The following GTF2F2 variants were observed in gnomAD, a reference collection of about 807,000 sequenced individuals.
The protein encoded by GTF2F2 is general transcription factor IIF subunit 2.
A neutral mutation model predicts 42.2 loss-of-function variants in GTF2F2; 23 were observed. That is an observed-to-expected ratio of 0.55 (90% CI 0.39 to 0.77). The LOEUF (loss-of-function observed/expected upper bound fraction) is 0.77. GTF2F2 is among the 30% of genes least tolerant of loss of function. GTF2F2 has a pLI of 0.00. For synonymous variants in GTF2F2, 105 were observed against 100.8 expected, an observed-to-expected ratio of 1.04 and a Z score of -0.25; for missense variants, 261 against 287.2, an observed-to-expected ratio of 0.91 and a Z score of 0.66.
intron 5 of GTF2F2, among the ~76,000 whole-genome samples, chr13:45,218,237 TA>T (rs1001856700): frequency 6.6e-6 from 1 of 152,200 alleles, no homozygotes; most frequent in Admixed American, 6.5e-5. Flanking sequence ...TCTGAGGATT[TA>T]AAATGGGTGC....
At chr13:45,263,857 A>G (rs1488762695) in intron 6 of GTF2F2, 2 of 187,694 alleles carry the variant, frequency 1.1e-5, no homozygotes, top group East Asian at 1.3e-4. Flanking sequence ...TTCAGAAATT[A>G]GGATTCCATG....
chr13:45,164,666 G>GT (rs147157628), intron 4 of GTF2F2, among the ~76,000 whole-genome samples: 26,488 of 152,100 alleles, frequency 0.17, 2,619 homozygotes, highest in Non-Finnish European at 0.22. Flanking sequence ...TGAGGCTACA[G>GT]TGAGTACAGT....
At chr13:45,124,908 G>C (rs1173796834) in intron 1 of GTF2F2, among the ~76,000 whole-genome samples, 1 of 152,120 alleles carries the variant, frequency 6.6e-6, no homozygotes, top group East Asian at 1.9e-4. Flanking sequence ...TTGAACTCCT[G>C]ATTTCAAGTG....
chr13:45,121,062 T>C (rs1375574785), intron 1 of GTF2F2, among the ~76,000 whole-genome samples: 1 of 152,186 alleles, frequency 6.6e-6, no homozygotes, highest in Non-Finnish European at 1.5e-5. Flanking sequence ...GTGAAACTGG[T>C]TTTAGCCATG....
At chr13:45,271,097 C>T (rs1340926958) in intron 7 of GTF2F2, among the ~76,000 whole-genome samples, 2 of 151,970 alleles carry the variant, frequency 1.3e-5, no homozygotes, top group Admixed American at 6.6e-5. Context: ...TCGAGACTAT[C>T]CTGGCTAACA....
At chr13:45,143,154 A>G (rs1870015333) in intron 2 of GTF2F2, among the ~76,000 whole-genome samples, 1 of 152,236 alleles carries the variant, frequency 6.6e-6, no homozygotes, top group Non-Finnish European at 1.5e-5. Flanking sequence ...TGTTAAGAGA[A>G]GATGTAGGGC....
intron 4 of GTF2F2, among the ~76,000 whole-genome samples, chr13:45,181,585 G>A (rs1872169821): frequency 6.6e-6 from 1 of 152,084 alleles, no homozygotes; most frequent in Admixed American, 6.5e-5. Context: ...AAAACAATTA[G>A]TATGTATTTA....
intron 4 of GTF2F2, among the ~76,000 whole-genome samples, chr13:45,176,927 A>G (rs1871908384): frequency 6.6e-6 from 1 of 152,022 alleles, no homozygotes; most frequent in Non-Finnish European, 1.5e-5. Context: ...CCGGGATTAT[A>G]GGTGCCCGCC....
chr13:45,171,864 A>AC (rs987261874), intron 4 of GTF2F2, among the ~76,000 whole-genome samples: 1 of 143,432 alleles, frequency 7.0e-6, no homozygotes, highest in Non-Finnish European at 1.5e-5. Flanking sequence ...GTCTTTTGTG[A>AC]CCTTTTTTTT....
At chr13:45,211,639 G>A (rs962858380) in intron 5 of GTF2F2, among the ~76,000 whole-genome samples, 13 of 150,050 alleles carry the variant, frequency 8.7e-5, no homozygotes, top group Non-Finnish European at 1.9e-4. Context: ...CCAGGCTAGA[G>A]TGCAATGGTG....
chr13:45,221,576 T>G (rs1017792618), intron 5 of GTF2F2, among the ~76,000 whole-genome samples: 1 of 151,460 alleles, frequency 6.6e-6, no homozygotes, highest in East Asian at 2.0e-4. Context: ...GGGGTCCCAG[T>G]ATGACTGCAC....
intron 2 of GTF2F2, among the ~76,000 whole-genome samples, chr13:45,137,817 G>A (rs1869706661): frequency 1.3e-5 from 2 of 150,274 alleles, no homozygotes; most frequent in South Asian, 2.1e-4. Flanking sequence ...GATGGAAGCT[G>A]CTGCAAAAAA....
chr13:45,151,870 A>AT, intron 4 of GTF2F2, 39 bp downstream of exon 4: 1 of 860,632 alleles, frequency 1.2e-6, no homozygotes, highest in Non-Finnish European at 1.6e-6. Flanking sequence ...ATTCCTGTAC[A>AT]TTTTGTATAG....
At chr13:45,120,858 A>C (rs909149166) in intron 1 of GTF2F2, 137 bp downstream of exon 1, 24 of 658,120 alleles carry the variant, frequency 3.6e-5, no homozygotes, top group Non-Finnish European at 6.3e-5. Flanking sequence ...TTTGAGAGGC[A>C]GGAGTCATTG....
intron 4 of GTF2F2, among the ~76,000 whole-genome samples, chr13:45,157,836 G>A (rs561543953): frequency 2.0e-5 from 3 of 151,932 alleles, no homozygotes; most frequent in East Asian, 1.9e-4. Context: ...CACCTGCCTC[G>A]GCCTCCCAAA....
At chr13:45,213,083 C>A (rs9595263) in intron 5 of GTF2F2, among the ~76,000 whole-genome samples, 38,169 of 146,616 alleles carry the variant, frequency 0.26, 4,973 homozygotes, top group Middle Eastern at 0.3. Flanking sequence ...TATTCTTCTT[C>A]TTATTATTTT....
At chr13:45,233,245 C>T (rs1261967909) in intron 5 of GTF2F2, among the ~76,000 whole-genome samples, 1 of 152,084 alleles carries the variant, frequency 6.6e-6, no homozygotes, top group Non-Finnish European at 1.5e-5. Flanking sequence ...TCGTGAGACC[C>T]CATCTCTGCA....
intron 7 of GTF2F2, among the ~76,000 whole-genome samples, chr13:45,276,310 T>C (rs1394025023): frequency 1.3e-5 from 2 of 152,232 alleles, no homozygotes; most frequent in Non-Finnish European, 2.9e-5. Context: ...ACGTTGGGAC[T>C]ATTATGAATA....
intron 5 of GTF2F2, among the ~76,000 whole-genome samples, chr13:45,236,479 C>G (rs984739333): frequency 7.0e-6 from 1 of 142,382 alleles, no homozygotes; most frequent in Admixed American, 6.9e-5. Context: ...TTCCTCACCC[C>G]CCGCCACACA....
Sources: gnomAD v4.1 joint callset for allele counts (sites outside exome capture counted in the v4.1 genomes callset) on GRCh38, gnomAD v4.1.1 for gene constraint, MANE v1.5 for transcripts, NCBI Gene and HGNC (gene_info 2026-07-23, HGNC 2026-07-21) for gene names.